SEPTIN2: variants seen among roughly 807,000 people sequenced by gnomAD.
SEPTIN2 encodes the protein septin 2.
Under a neutral mutation model 46.5 loss-of-function variants are expected in SEPTIN2, and 34 were observed. That is an observed-to-expected ratio of 0.73 (90% CI 0.56 to 0.97). The LOEUF (loss-of-function observed/expected upper bound fraction) is 0.97. SEPTIN2 is among the 50% of genes least tolerant of loss of function. The pLI, the probability that SEPTIN2 is intolerant of heterozygous loss-of-function variation, is 0.00. For missense variants in SEPTIN2, 347 were observed against 448.4 expected (o/e 0.77, Z 2.04); for synonymous variants, 175 against 153.4 (o/e 1.14, Z -1.04).
At chr2:241,343,709 G>A (rs764684240) in intron 8 of SEPTIN2, 43 bp from the exon 9 acceptor site, 3 of 1,610,560 alleles carry the variant, frequency 1.9e-6, no homozygotes, top group East Asian at 4.5e-5. Flanking sequence ...GAACTCTGGG[G>A]TTCCCTGTGT....
intron 9 of SEPTIN2, among the ~76,000 whole-genome samples, chr2:241,345,883 G>A (rs2060187024): frequency 6.6e-6 from 1 of 152,166 alleles, no homozygotes; most frequent in Non-Finnish European, 1.5e-5. Context: ...TGGTAGTGAT[G>A]GCCTCACACA....
intron 7 of SEPTIN2, among the ~76,000 whole-genome samples, chr2:241,338,678 A>G (rs1346243241): frequency 8.2e-6 from 1 of 122,466 alleles, no homozygotes; most frequent in Non-Finnish European, 1.6e-5. Context: ...TATTATTTAT[A>G]TTACATATGT....
At chr2:241,337,109 G>A (rs561177065) in intron 5 of SEPTIN2, 2 of 297,630 alleles carry the variant, frequency 6.7e-6, no homozygotes, top group Admixed American at 4.8e-5. Context: ...AAAAAAGAAC[G>A]AATTGGCAGC....
intron 9 of SEPTIN2, among the ~76,000 whole-genome samples, chr2:241,345,022 G>A (rs1276258470): frequency 6.6e-6 from 1 of 151,882 alleles, no homozygotes; most frequent in Non-Finnish European, 1.5e-5. Flanking sequence ...GCTGAGGCAG[G>A]AGAATCGCCT....
upstream of SEPTIN2, chr2:241,315,662 A>C (rs2076057701): frequency 6.6e-6 from 1 of 152,436 alleles, no homozygotes; most frequent in African/African-American, 2.4e-5. Context: ...AAAGGAGAAG[A>C]GGCTACGCTT....
chr2:241,340,013 A>G (rs929243373), intron 7 of SEPTIN2, among the ~76,000 whole-genome samples: 2 of 152,226 alleles, frequency 1.3e-5, no homozygotes, highest in Non-Finnish European at 2.9e-5. Flanking sequence ...GTGTACATCT[A>G]TCTTTTCACA....
At chr2:241,330,786 A>G (rs1384141726) in intron 3 of SEPTIN2, among the ~76,000 whole-genome samples, 1 of 152,264 alleles carries the variant, frequency 6.6e-6, no homozygotes, top group African/African-American at 2.4e-5. Flanking sequence ...ATGATGCAAC[A>G]TTCAAAGTCA....
intron 1 of SEPTIN2, among the ~76,000 whole-genome samples, chr2:241,322,830 T>A (rs2077342287): frequency 6.6e-6 from 1 of 152,074 alleles, no homozygotes. Context: ...ATGAAGTCCC[T>A]TACTCCTTGA....
intron 9 of SEPTIN2, among the ~76,000 whole-genome samples, chr2:241,345,037 C>T (rs1331786338): frequency 1.3e-5 from 2 of 151,934 alleles, no homozygotes; most frequent in Non-Finnish European, 2.9e-5. Context: ...TCGCCTGAAC[C>T]TGGAGGTGGA....
intron 1 of SEPTIN2, chr2:241,316,424 G>A: frequency 8.4e-7 from 1 of 1,186,726 alleles, no homozygotes; most frequent in Non-Finnish European, 1.1e-6. Flanking sequence ...TCCCTGAGGC[G>A]TGGAGGACTG....
chr2:241,343,356 G>T (rs1201311815), intron 8 of SEPTIN2, among the ~76,000 whole-genome samples: 1 of 152,060 alleles, frequency 6.6e-6, no homozygotes, highest in Non-Finnish European at 1.5e-5. Context: ...AAAATTAGGT[G>T]GATGTGGTGG....
At chr2:241,331,108 G>C (rs544547281) in intron 3 of SEPTIN2, among the ~76,000 whole-genome samples, 4 of 152,190 alleles carry the variant, frequency 2.6e-5, no homozygotes, top group Admixed American at 2.6e-4. Context: ...GAATCTGGGA[G>C]GGGGAGGTTT....
At chr2:241,323,338 A>G (rs1261318629) in intron 1 of SEPTIN2, among the ~76,000 whole-genome samples, 2 of 151,844 alleles carry the variant, frequency 1.3e-5, no homozygotes, top group African/African-American at 4.8e-5. Flanking sequence ...GCCTGGCTGA[A>G]TCAGTATTTT....
At chr2:241,346,290 G>A (rs770240762) in intron 10 of SEPTIN2, 41 bp downstream of exon 10, 2 of 1,502,086 alleles carry the variant, frequency 1.3e-6, no homozygotes, top group Non-Finnish European at 1.9e-6. Context: ...GTGTCACCCT[G>A]AGCCACAATG....
chr2:241,342,667 C>G (rs1411319925), intron 7 of SEPTIN2, among the ~76,000 whole-genome samples: 9 of 151,254 alleles, frequency 6.0e-5, no homozygotes, highest in Non-Finnish European at 1.3e-4. Context: ...TCCCCAGCAG[C>G]TGGGACTACA....
At position 241,346,288 on chromosome 2, in the gene SEPTIN2, C is replaced by T. The variant is rs1309723468; in HGVS notation, c.926+39C>T. ...GCCCCTTTCTCTGTATTGTGTCACC[C>T]TGAGCCACAATGTTCCTCCTCCTCT... On this transcript the variant is annotated intron_variant, in intron 10 of 12. Coordinates refer to ENST00000391971, the MANE Select transcript of SEPTIN2 (RefSeq NM_004404.5). 6.0e-6 allele frequency: 9 copies of T among 1,508,340 alleles called. No homozygotes were observed. In the Admixed American group the frequency reaches 6.7e-5, roughly 11 times the overall value. 93.4% of individuals were successfully genotyped at this position (1,508,340 alleles called of 1,614,324 possible).
chr2:241,339,142 C>G (rs1008822046), intron 7 of SEPTIN2, among the ~76,000 whole-genome samples: 1 of 145,856 alleles, frequency 6.9e-6, no homozygotes, highest in Admixed American at 7.1e-5. Flanking sequence ...GCCTGTAATC[C>G]CTGCACTTTG....
chr2:241,350,147 TGGC>T lies in SEPTIN2; in HGVS notation c.1062_1064del (p.Gly355del). 1 of 1,613,906 alleles carries T rather than the reference TGGC, an allele frequency of 6.2e-7. No homozygotes were observed. Among genetic ancestry groups the T allele is most frequent in the Non-Finnish European group, 8.5e-7 (1 of 1,179,892 alleles). On this transcript the variant is annotated inframe_deletion, in exon 12 of 13. Transcript: ENST00000391971. ...TGCAGATGCAGGGCGGGGATGGCGA[TGGC>T]GGGGCTCTCGGGCACCACGTGTAAG...
At chr2:241,324,399 T>C (rs1439787286) in intron 2 of SEPTIN2, 158 bp downstream of exon 2, 4 of 634,794 alleles carry the variant, frequency 6.3e-6, no homozygotes, top group Non-Finnish European at 8.2e-6. Context: ...TTTTTTTTTT[T>C]TTTTTTGAGA....
Sources: allele counts gnomAD v4.1 joint callset (sites outside exome capture counted in the v4.1 genomes callset), GRCh38; gene constraint gnomAD v4.1.1; transcripts MANE v1.5; gene names NCBI Gene and HGNC (gene_info 2026-07-23, HGNC 2026-07-21).